VGLL4: variants seen among roughly 807,000 people sequenced by gnomAD.
VGLL4 encodes vestigial like family member 4.
A neutral mutation model predicts 21.0 loss-of-function variants in VGLL4; 7 were observed. The ratio of observed to expected loss-of-function variants is 0.33; its 90% CI spans 0.19 to 0.63. VGLL4 has a LOEUF of 0.63. Among genes scored for constraint, VGLL4 ranks in the 20% least tolerant of loss-of-function variants. The pLI is 0.78. For synonymous variants in VGLL4, 222 were observed against 173.2 expected (o/e 1.28, Z -2.21); for missense variants, 394 against 425.7 (o/e 0.93, Z 0.66).
Position 11,667,842 on chromosome 3 carries a change from C to CTTTTTTTTTT in VGLL4, c.64+35119_64+35128dup, listed in dbSNP as rs746416276. Among the ~76,000 whole-genome samples, 81 of 69,336 alleles carry CTTTTTTTTTT rather than the reference C, an allele frequency of 1.2e-3. 1 individual carries two copies. Among genetic ancestry groups the CTTTTTTTTTT allele is most frequent in the Non-Finnish European group, 1.6e-3 (64 of 38,962 alleles). 45.5% of individuals were successfully genotyped at this position (69,336 alleles called of 152,430 possible). A position where few individuals can be genotyped will look rare whatever the true frequency, so the allele number is the denominator to read the frequency against. ...GAGGGTCTCAAATTTCTATCTTCTTCTTTTTTTTTTTTTTTTTTTTTTTTT... is the reference window on the plus strand; with the variant it reads ...GAGGGTCTCAAATTTCTATCTTCTTCTTTTTTTTTTTTTTTTTTTTTTTTTTTTTTTTTTT... On this transcript the variant is annotated intron_variant, in intron 2 of 5. Coordinates refer to the VGLL4 transcript ENST00000273038.
intron 2 of VGLL4, among the ~76,000 whole-genome samples, chr3:11,667,001 A>C (rs17035064): frequency 0.23 from 35,294 of 152,096 alleles, 4,225 homozygotes; most frequent in South Asian, 0.35. Context: ...CCAAAGATCT[A>C]GCCTCATTTG....
intron 3 of VGLL4, among the ~76,000 whole-genome samples, chr3:11,561,561 G>A (rs2125111771): frequency 6.6e-6 from 1 of 152,284 alleles, no homozygotes; most frequent in Non-Finnish European, 1.5e-5. Flanking sequence ...CTGGAGTCAG[G>A]CATCTTGCCC....
chr3:11,606,822 A>G (rs6771537), intron 1 of VGLL4, among the ~76,000 whole-genome samples: 142,575 of 152,242 alleles, frequency 0.94, 66,892 homozygotes, highest in African/African-American at 0.95. Flanking sequence ...CAACCCACTC[A>G]AGTCCCCTTC....
At chr3:11,668,226 C>A (rs2076155897) in intron 2 of VGLL4, among the ~76,000 whole-genome samples, 1 of 151,878 alleles carries the variant, frequency 6.6e-6, no homozygotes, top group Non-Finnish European at 1.5e-5. Flanking sequence ...AAATAAAGAG[C>A]AAACAAACCC....
intron 1 of VGLL4, chr3:11,720,376 C>CG (rs11441828): frequency 1 from 152,438 of 152,440 alleles, 76,218 homozygotes; most frequent in Middle Eastern, 1. Flanking sequence ...CGCTCCCCGA[C>CG]GGCCGACGGC....
chr3:11,606,216 A>G (rs2074937150), intron 1 of VGLL4, among the ~76,000 whole-genome samples: 1 of 152,150 alleles, frequency 6.6e-6, no homozygotes, highest in Non-Finnish European at 1.5e-5. Context: ...GTATGGGGGG[A>G]AACCGCCCCC....
At chr3:11,700,597 C>T (rs1371170488) in intron 2 of VGLL4, among the ~76,000 whole-genome samples, 1 of 152,146 alleles carries the variant, frequency 6.6e-6, no homozygotes, top group Admixed American at 6.5e-5. Flanking sequence ...CGATGTCCTC[C>T]TAATCCTCAT....
At chr3:11,582,326 C>G (rs774225342) in intron 2 of VGLL4, 1 of 1,595,038 alleles carries the variant, frequency 6.3e-7, no homozygotes, top group Non-Finnish European at 8.5e-7. Flanking sequence ...GACAGCCCAG[C>G]GTCCTCCCAC....
intron 2 of VGLL4, among the ~76,000 whole-genome samples, chr3:11,689,766 G>A (rs1481348357): frequency 6.6e-6 from 1 of 152,222 alleles, no homozygotes; most frequent in East Asian, 1.9e-4. Flanking sequence ...GCTACCTGCA[G>A]GCTCCGTGTA....
At chr3:11,592,012 T>C (rs2074510920) in intron 2 of VGLL4, among the ~76,000 whole-genome samples, 1 of 152,258 alleles carries the variant, frequency 6.6e-6, no homozygotes, top group Non-Finnish European at 1.5e-5. Flanking sequence ...CCTTTGGGAA[T>C]ACTTGTAAGA....
chr3:11,590,667 T>A (rs1179177030), intron 2 of VGLL4, among the ~76,000 whole-genome samples: 16 of 65,986 alleles, frequency 2.4e-4, no homozygotes, highest in Admixed American at 3.8e-4. Context: ...ATGAAGAGTG[T>A]GTGTGTGTGT....
intron 2 of VGLL4, among the ~76,000 whole-genome samples, chr3:11,585,009 T>C (rs1319683375): frequency 1.3e-5 from 2 of 151,986 alleles, no homozygotes; most frequent in Non-Finnish European, 2.9e-5. Context: ...CATCCTCCAA[T>C]CACTGCTCCA....
intron 2 of VGLL4, among the ~76,000 whole-genome samples, chr3:11,661,435 TTTTATTTATTTA>T (rs56380247): frequency 6.8e-6 from 1 of 148,034 alleles, no homozygotes; most frequent in South Asian, 2.1e-4. Context: ...ACATTTTTCC[TTTTATTTATTTA>T]TTTATTTATT....
chr3:11,559,199 G>A (rs1575341494), intron 4 of VGLL4, 133 bp downstream of exon 4: 2 of 1,396,874 alleles, frequency 1.4e-6, no homozygotes, highest in Non-Finnish European at 1.9e-6. Flanking sequence ...CACTGGACGT[G>A]CTCAAGAAAT....
At chr3:11,679,422 C>T (rs900352429) in intron 2 of VGLL4, among the ~76,000 whole-genome samples, 1 of 151,948 alleles carries the variant, frequency 6.6e-6, no homozygotes, top group Non-Finnish European at 1.5e-5. Flanking sequence ...CGGTAGCTCA[C>T]GCCTGTAATT....
intron 2 of VGLL4, among the ~76,000 whole-genome samples, chr3:11,573,097 C>G (rs1382797409): frequency 6.6e-6 from 1 of 151,362 alleles, no homozygotes; most frequent in African/African-American, 2.4e-5. Context: ...ACCCGGGAGG[C>G]GGAGGTTGCA....
At chr3:11,656,568 T>C (rs893201777) in intron 2 of VGLL4, among the ~76,000 whole-genome samples, 4 of 152,142 alleles carry the variant, frequency 2.6e-5, no homozygotes, top group Admixed American at 6.5e-5. Context: ...AGAGCTGAGA[T>C]GTCCACTGGG....
At chr3:11,670,543 T>G (rs2076192750) in intron 2 of VGLL4, among the ~76,000 whole-genome samples, 1 of 152,208 alleles carries the variant, frequency 6.6e-6, no homozygotes, top group Admixed American at 6.5e-5. Flanking sequence ...ATTTTCAACA[T>G]TCCTATCCTA....
chr3:11,668,530 ATCTCTGGGTAAACGT>A (rs1441029637), intron 2 of VGLL4, among the ~76,000 whole-genome samples: 1 of 152,104 alleles, frequency 6.6e-6, no homozygotes, highest in Non-Finnish European at 1.5e-5. Flanking sequence ...ATTTAACAAG[ATCTCTGGGTAAACGT>A]TTGAGAAGGA....
Sources: gnomAD v4.1 joint callset for allele counts (sites outside exome capture counted in the v4.1 genomes callset) on GRCh38, gnomAD v4.1.1 for gene constraint, MANE v1.5 for transcripts, NCBI Gene and HGNC (gene_info 2026-07-23, HGNC 2026-07-21) for gene names.